The following SCFD2 variants were observed in gnomAD, a reference collection of about 807,000 sequenced individuals.
The protein encoded by SCFD2 is sec1 family domain-containing protein 2.
Under a neutral mutation model 58.9 loss-of-function variants are expected in SCFD2, and 54 were observed. The observed-to-expected ratio is 0.92, with a 90% confidence interval of 0.74 to 1.15. SCFD2 has a LOEUF of 1.15. Ranked by LOEUF, SCFD2 falls within the 50% of genes most tolerant of loss-of-function variation. The pLI is 0.00. For synonymous variants in SCFD2, 321 were observed against 335.9 expected (o/e 0.96, Z 0.49); for missense variants, 805 against 836.6 (o/e 0.96, Z 0.47).
intron 5 of SCFD2, among the ~76,000 whole-genome samples, chr4:53,011,222 G>A (rs1373016425): frequency 6.6e-6 from 1 of 152,068 alleles, no homozygotes; most frequent in Admixed American, 6.6e-5. Flanking sequence ...CTAAATCTCT[G>A]TGCACCTTAT....
Position 53,132,583 on chromosome 4 carries a change from C to G in SCFD2, c.1561+12750G>C, listed in dbSNP as rs558182992. ...TAAATGAGAATATTTAAATTAGAAA[C>G]AAGAGATTAGTCAAAATCCTTTCTG... On this transcript the variant is annotated intron_variant, in intron 5 of 8. Transcript: ENST00000401642. Among the ~76,000 whole-genome samples, 4 of 152,270 alleles carry G rather than the reference C, an allele frequency of 2.6e-5. 1 individual carries two copies. The highest frequency in any genetic ancestry group is 3.9e-4 in the East Asian group (2 of 5,186).
intron 4 of SCFD2, among the ~76,000 whole-genome samples, chr4:53,202,956 A>T (rs1317646814): frequency 2.0e-5 from 3 of 152,204 alleles, no homozygotes; most frequent in African/African-American, 4.8e-5. Flanking sequence ...TAGATATACA[A>T]TCATGTCATC....
chr4:53,212,366 A>G (rs1375115178), intron 4 of SCFD2, among the ~76,000 whole-genome samples: 1 of 152,018 alleles, frequency 6.6e-6, no homozygotes, highest in Non-Finnish European at 1.5e-5. Context: ...CATAACCACA[A>G]TGAAATCAAT....
chr4:53,058,438 A>T (rs17082353), intron 5 of SCFD2, among the ~76,000 whole-genome samples: 2,253 of 152,280 alleles, frequency 0.015, 53 homozygotes, highest in African/African-American at 0.052. Flanking sequence ...CGGGGAAAGT[A>T]GCCATTTTAA....
intron 2 of SCFD2, among the ~76,000 whole-genome samples, chr4:53,319,157 C>T (rs1265884312): frequency 6.6e-6 from 1 of 152,102 alleles, no homozygotes; most frequent in East Asian, 1.9e-4. Context: ...CACATGGGTC[C>T]CACAAAGGAC....
rs1734687311 is a variant in SCFD2 at position 53,365,811 on chromosome 4, C to T, written c.131G>A (p.Arg44His). Residue 44 changes from arginine (R) to histidine (H), a missense_variant, in exon 1 of 9, where the codon CGT becomes CAT. Coordinates refer to ENST00000401642, the MANE Select transcript of SCFD2 (RefSeq NM_152540.4). This position sits in a 1 kb window ranked among gnomAD's most constrained non-coding sequence, Gnocchi z 4.3. ...AGGACCCCCCACCGCCTCCAGGAGACGGGTGGATCCGCAGCCCCAGTGCAG... is the reference window on the plus strand; with the variant it reads ...AGGACCCCCCACCGCCTCCAGGAGATGGGTGGATCCGCAGCCCCAGTGCAG... Reference protein sequence around the residue: ...ESLHWGCGSTRLLEAVGGPDC... With the variant: ...ESLHWGCGSTHLLEAVGGPDC... The T allele has an allele frequency of 1.2e-6, 2 of 1,614,002 alleles. No homozygotes were observed. Among genetic ancestry groups the T allele is most frequent in the Non-Finnish European group, 8.5e-7 (1 of 1,179,990 alleles).
intron 6 of SCFD2, among the ~76,000 whole-genome samples, chr4:52,913,059 A>C (rs10049923): frequency 0.051 from 7,687 of 151,918 alleles, 225 homozygotes; most frequent in South Asian, 0.13. Context: ...GGAATTAAAA[A>C]CTCAGAAAAA....
At chr4:52,979,796 T>C (rs1721334172) in intron 5 of SCFD2, among the ~76,000 whole-genome samples, 1 of 152,150 alleles carries the variant, frequency 6.6e-6, no homozygotes. Context: ...CCGAGTTGAT[T>C]CCCCACCCCT....
intron 4 of SCFD2, among the ~76,000 whole-genome samples, chr4:53,250,844 T>C (rs1172243361): frequency 6.6e-6 from 1 of 151,774 alleles, no homozygotes; most frequent in East Asian, 1.9e-4. Flanking sequence ...ACTAGAGAAG[T>C]AAGAGCAAAC....
chr4:53,242,614 G>T (rs1377703317), intron 4 of SCFD2, among the ~76,000 whole-genome samples: 1 of 152,190 alleles, frequency 6.6e-6, no homozygotes, highest in Non-Finnish European at 1.5e-5. Flanking sequence ...GAGAGCAAAG[G>T]TTCTTAACCA....
chr4:53,028,261 T>C (rs1441847523), intron 5 of SCFD2, among the ~76,000 whole-genome samples: 1 of 151,794 alleles, frequency 6.6e-6, no homozygotes, highest in Admixed American at 6.6e-5. Flanking sequence ...AATAAATAAA[T>C]AAATAAATAA....
At chr4:53,135,740 C>G (rs932225424) in intron 5 of SCFD2, among the ~76,000 whole-genome samples, 15 of 143,632 alleles carry the variant, frequency 1.0e-4, no homozygotes, top group African/African-American at 3.6e-4. Flanking sequence ...GACTCCATCT[C>G]AAAAAAAAAA....
chr4:53,054,251 A>G (rs1577689615), intron 5 of SCFD2, among the ~76,000 whole-genome samples: 1 of 152,168 alleles, frequency 6.6e-6, no homozygotes, highest in African/African-American at 2.4e-5. Flanking sequence ...AAATGACAGG[A>G]TTTCATTCTC....
chr4:53,131,550 G>C (rs1725786214), intron 5 of SCFD2, among the ~76,000 whole-genome samples: 1 of 152,130 alleles, frequency 6.6e-6, no homozygotes, highest in African/African-American at 2.4e-5. Flanking sequence ...GGAGTATATT[G>C]ATTCAGATAA....
At chr4:53,271,458 T>TATTTATTA in intron 4 of SCFD2, among the ~76,000 whole-genome samples, 1 of 150,602 alleles carries the variant, frequency 6.6e-6, no homozygotes, top group East Asian at 1.9e-4. Context: ...TTTATTTATT[T>TATTTATTA]ATTTATTTAT....
intron 4 of SCFD2, among the ~76,000 whole-genome samples, chr4:53,237,027 G>A (rs1260357485): frequency 1.3e-5 from 2 of 149,492 alleles, no homozygotes; most frequent in Non-Finnish European, 3.0e-5. Flanking sequence ...TGAGATTAGG[G>A]AGTGGTGATG....
chr4:53,011,670 C>T lies in SCFD2; in HGVS notation c.1562-90800G>A, dbSNP rs146266138. On this transcript the variant is annotated intron_variant, in intron 5 of 8. Transcript: ENST00000401642. ...CCATTCTTCTCATTTCAAATAGAAACCAGCTGCACTTCTAAACTGTAACAA... is the reference window on the plus strand; with the variant it reads ...CCATTCTTCTCATTTCAAATAGAAATCAGCTGCACTTCTAAACTGTAACAA... Among the ~76,000 whole-genome samples, 640 of 152,292 alleles carry T rather than the reference C, an allele frequency of 4.2e-3. 3 individuals carry two copies. The highest frequency in any genetic ancestry group is 0.031 in the Middle Eastern group (9 of 294).
intron 3 of SCFD2, among the ~76,000 whole-genome samples, chr4:53,277,149 T>G (rs1348793097): frequency 6.6e-6 from 1 of 152,250 alleles, no homozygotes; most frequent in African/African-American, 2.4e-5. Flanking sequence ...CAAAAACCCC[T>G]ATGCTTGTAG....
At chr4:53,245,374 C>A (rs1157391167) in intron 4 of SCFD2, among the ~76,000 whole-genome samples, 1 of 152,098 alleles carries the variant, frequency 6.6e-6, no homozygotes, top group African/African-American at 2.4e-5. Context: ...CGCTAGCAAA[C>A]TGAATCCAGA....
Sources: allele counts gnomAD v4.1 joint callset (sites outside exome capture counted in the v4.1 genomes callset), GRCh38; gene constraint gnomAD v4.1.1; non-coding constraint Gnocchi (gnomAD v3.1); transcripts MANE v1.5; gene names NCBI Gene and HGNC (gene_info 2026-07-23, HGNC 2026-07-21).